The following CDH2 variants were observed in gnomAD, a reference collection of about 807,000 sequenced individuals.
The protein encoded by CDH2 is cadherin 2.
CDH2 carries 17 observed loss-of-function variants against 92.0 expected under a neutral mutation model. The ratio of observed to expected loss-of-function variants is 0.18; its 90% CI spans 0.13 to 0.28. The LOEUF is 0.28. CDH2 is among the 10% of genes least tolerant of loss of function. CDH2 has a pLI of 1.00. For missense variants in CDH2, 862 were observed against 1,133.1 expected (o/e 0.76, Z 3.44); for synonymous variants, 419 against 415.9 (o/e 1.01, Z -0.09).
At chr18:28,015,632 A>C (rs2013223798) in intron 2 of CDH2, among the ~76,000 whole-genome samples, 1 of 152,192 alleles carries the variant, frequency 6.6e-6, no homozygotes, top group African/African-American at 2.4e-5. Context: ...TAAAAACATA[A>C]TCTGGAATAG....
intron 2 of CDH2, among the ~76,000 whole-genome samples, chr18:28,039,994 A>T (rs2013917401): frequency 6.6e-6 from 1 of 152,236 alleles, no homozygotes; most frequent in African/African-American, 2.4e-5. Flanking sequence ...TCAGAAGCAC[A>T]TCTCATTTTG....
chr18:28,049,105 G>A (rs999404666), intron 2 of CDH2, among the ~76,000 whole-genome samples: 3 of 151,884 alleles, frequency 2.0e-5, no homozygotes, highest in Non-Finnish European at 4.4e-5. Flanking sequence ...AGATTCTGGC[G>A]GTGTCACGAC....
chr18:28,053,244 G>A (rs1599064975), intron 2 of CDH2, among the ~76,000 whole-genome samples: 5 of 152,174 alleles, frequency 3.3e-5, no homozygotes, highest in African/African-American at 7.2e-5. Context: ...TTTGAAAATC[G>A]TCAAACTCTG....
intron 2 of CDH2, among the ~76,000 whole-genome samples, chr18:28,042,049 A>G (rs2013957806): frequency 6.6e-6 from 1 of 152,144 alleles, no homozygotes; most frequent in African/African-American, 2.4e-5. Context: ...AGCAAGTATG[A>G]AAGTTGTAAT....
At chr18:27,981,921 C>T (rs1204772117) in intron 14 of CDH2, among the ~76,000 whole-genome samples, 1 of 152,126 alleles carries the variant, frequency 6.6e-6, no homozygotes, top group African/African-American at 2.4e-5. Context: ...CTAAGAATTA[C>T]CTGTCATAGT....
intron 2 of CDH2, among the ~76,000 whole-genome samples, chr18:28,094,743 G>A (rs1409983941): frequency 7.7e-4 from 103 of 133,546 alleles, no homozygotes; most frequent in African/African-American, 2.4e-3. Context: ...GCAGTGAGCC[G>A]AGATCGCACC....
intron 14 of CDH2, among the ~76,000 whole-genome samples, chr18:27,974,571 C>CA (rs1192017877): frequency 1.3e-5 from 2 of 152,176 alleles, no homozygotes; most frequent in Non-Finnish European, 2.9e-5. Flanking sequence ...CCCCAAAACA[C>CA]AGGGGTTGGT....
At chr18:27,978,016 C>T (rs545820553) in intron 14 of CDH2, among the ~76,000 whole-genome samples, 1 of 152,244 alleles carries the variant, frequency 6.6e-6, no homozygotes, top group South Asian at 2.1e-4. Flanking sequence ...ATTCTTACTT[C>T]ACACTACAAA....
intron 15 of CDH2, among the ~76,000 whole-genome samples, chr18:27,960,035 CACACACACACACAA>C (rs1203790512): frequency 6.6e-6 from 1 of 151,778 alleles, no homozygotes; most frequent in Non-Finnish European, 1.5e-5. Context: ...CACACACACA[CACACACACACACAA>C]ACACACACTC....
At chr18:28,061,918 C>T (rs2014410628) in intron 2 of CDH2, among the ~76,000 whole-genome samples, 1 of 152,118 alleles carries the variant, frequency 6.6e-6, no homozygotes, top group South Asian at 2.1e-4. Context: ...CCTGGTCCCT[C>T]CCATGACACA....
chr18:28,102,853 G>C (rs1392261742), intron 2 of CDH2, among the ~76,000 whole-genome samples: 1 of 151,598 alleles, frequency 6.6e-6, no homozygotes, highest in Non-Finnish European at 1.5e-5. Flanking sequence ...TACAGTTTAT[G>C]GTGAGCAATG....
At chr18:28,040,325 T>G (rs957887559) in intron 2 of CDH2, among the ~76,000 whole-genome samples, 4 of 152,176 alleles carry the variant, frequency 2.6e-5, no homozygotes, top group Non-Finnish European at 4.4e-5. Context: ...TGCCTTCATA[T>G]AAGCAGAAGG....
chr18:28,055,790 C>CAAAGA (rs2014280981), intron 2 of CDH2, among the ~76,000 whole-genome samples: 2 of 152,082 alleles, frequency 1.3e-5, no homozygotes, highest in Non-Finnish European at 2.9e-5. Flanking sequence ...AAAGAAGCTA[C>CAAAGA]ATATATTATA....
intron 2 of CDH2, among the ~76,000 whole-genome samples, chr18:28,137,563 G>T (rs948185430): frequency 4.7e-5 from 7 of 150,120 alleles, no homozygotes; most frequent in Admixed American, 2.0e-4. Flanking sequence ...AAACATGAAG[G>T]TATTAAAGGC....
intron 2 of CDH2, among the ~76,000 whole-genome samples, chr18:28,131,707 T>TGTGTGTGTGG (rs777344485): frequency 1.3e-4 from 20 of 151,922 alleles, no homozygotes; most frequent in African/African-American, 4.6e-4. Context: ...TGTGTGTGTG[T>TGTGTGTGTGG]GGCCTGAAAT....
intron 2 of CDH2, among the ~76,000 whole-genome samples, chr18:28,121,372 T>G (rs2015585326): frequency 6.6e-6 from 1 of 152,110 alleles, no homozygotes; most frequent in Non-Finnish European, 1.5e-5. Context: ...TTTCTTGGCC[T>G]CCCTGCAGTA....
At chr18:28,011,822 A>G (rs200975505) in intron 4 of CDH2, 24 bp downstream of exon 4, 10 of 1,608,006 alleles carry the variant, frequency 6.2e-6, no homozygotes, top group Non-Finnish European at 8.5e-6. Context: ...TGGTATGAAA[A>G]CAGTTAAAAT....
Position 27,945,312 on chromosome 18 carries a change from CAGGA to C in CDH2, c.1152-12192_1152-12189del, listed in dbSNP as rs1259411062. ...TGGGGGTCAATCAACTGATACTTTC[CAGGA>C]AGGAAGATTTTTTTTTTTTTTTTTT... On this transcript the variant is annotated intron_variant, in intron 6 of 6. Coordinates refer to the CDH2 transcript ENST00000675173. Among the ~76,000 whole-genome samples, 7 of 138,508 alleles carry C rather than the reference CAGGA, an allele frequency of 5.1e-5. No homozygotes were observed. In the East Asian group the frequency reaches 1.6e-3, roughly 32 times the overall value. 90.9% of individuals were successfully genotyped at this position (138,508 alleles called of 152,430 possible). A position where few individuals can be genotyped will look rare whatever the true frequency, so the allele number is the denominator to read the frequency against.
chr18:28,147,851 C>G, intron 1 of CDH2, 67 bp from the exon 2 acceptor site: 1 of 890,668 alleles, frequency 1.1e-6, no homozygotes, highest in Non-Finnish European at 1.8e-6. Context: ...GAGAAACATT[C>G]CACTTGGCAT....
Sources: gnomAD v4.1 joint callset for allele counts (sites outside exome capture counted in the v4.1 genomes callset) on GRCh38, gnomAD v4.1.1 for gene constraint, MANE v1.5 for transcripts, NCBI Gene and HGNC (gene_info 2026-07-23, HGNC 2026-07-21) for gene names.